The following CLSTN2 variants were observed in gnomAD, a reference collection of about 807,000 sequenced individuals.
CLSTN2 encodes calsyntenin 2.
A neutral mutation model predicts 101.2 loss-of-function variants in CLSTN2; 48 were observed. That is an observed-to-expected ratio of 0.47 (90% CI 0.38 to 0.60). The LOEUF (loss-of-function observed/expected upper bound fraction) is 0.60. Among genes scored for constraint, CLSTN2 ranks in the 20% least tolerant of loss-of-function variants. The probability of loss-of-function intolerance (pLI) is 0.00; values close to 1 mark genes in which losing one functional copy is unlikely to be tolerated. For missense variants in CLSTN2, 1,160 were observed against 1,238.2 expected, an observed-to-expected ratio of 0.94 and a Z score of 0.95; for synonymous variants, 481 against 463.6, an observed-to-expected ratio of 1.04 and a Z score of -0.48.
At chr3:140,076,768 G>A in intron 1 of CLSTN2, among the ~76,000 whole-genome samples, 1 of 150,578 alleles carries the variant, frequency 6.6e-6, no homozygotes, top group East Asian at 2.0e-4. Flanking sequence ...TTGGTACTTA[G>A]CCTGTGCAGT....
intron 2 of CLSTN2, among the ~76,000 whole-genome samples, chr3:140,202,989 T>TG (rs1410338289): frequency 2.0e-5 from 3 of 152,130 alleles, no homozygotes; most frequent in Non-Finnish European, 2.9e-5. Flanking sequence ...CTGCAATCTT[T>TG]GAGCAGTAGA....
In CLSTN2 at chr3:140,414,676, T is replaced by C. The variant is rs144277025; in HGVS notation, c.638-6449T>C. ...TCCTAGACTTCACCACTATACAATT[T>C]ATGTAAAAACCCACTTGTACCCCTA... On this transcript the variant is annotated intron_variant, in intron 4 of 16. Coordinates refer to ENST00000458420, the MANE Select transcript of CLSTN2 (RefSeq NM_022131.3). 4.3e-3 allele frequency among the ~76,000 whole-genome samples: 655 copies of C among 152,132 alleles called. 2 individuals carry two copies. Among genetic ancestry groups the C allele is most frequent in the Non-Finnish European group, 7.3e-3 (493 of 67,906 alleles).
At chr3:140,003,587 T>C (rs1431781572) in intron 1 of CLSTN2, among the ~76,000 whole-genome samples, 1 of 152,200 alleles carries the variant, frequency 6.6e-6, no homozygotes, top group Non-Finnish European at 1.5e-5. Context: ...GTGGTAAAAG[T>C]GGGCATCCTT....
At chr3:140,104,544 A>T (rs1302731245) in intron 1 of CLSTN2, among the ~76,000 whole-genome samples, 1 of 152,262 alleles carries the variant, frequency 6.6e-6, no homozygotes, top group African/African-American at 2.4e-5. Flanking sequence ...AAGTGTGCAG[A>T]TAGAATAATT....
chr3:140,125,406 G>A (rs1274493846), intron 1 of CLSTN2, among the ~76,000 whole-genome samples: 2 of 152,110 alleles, frequency 1.3e-5, no homozygotes, highest in African/African-American at 4.8e-5. Context: ...AAGTAGCCGG[G>A]TGGGCATGGG....
chr3:140,182,016 T>A (rs565191283), intron 2 of CLSTN2, among the ~76,000 whole-genome samples: 64 of 152,302 alleles, frequency 4.2e-4, no homozygotes, highest in African/African-American at 1.5e-3. Flanking sequence ...GAGTGAGTCA[T>A]TCCCCTTTAA....
chr3:140,510,358 C>A (rs554608998), intron 8 of CLSTN2, among the ~76,000 whole-genome samples: 105 of 152,244 alleles, frequency 6.9e-4, no homozygotes, highest in African/African-American at 1.7e-3. Flanking sequence ...AAGAAAAAAA[C>A]CCCTGCTGAT....
rs547554617 is a variant in CLSTN2 at position 140,226,933 on chromosome 3, A to C, written c.232+50860A>C. 9.9e-5 allele frequency among the ~76,000 whole-genome samples: 15 copies of C among 152,252 alleles called. No individual in the cohort carries two copies. In the South Asian group the frequency reaches 1.9e-3, roughly 19 times the overall value. On this transcript the variant is annotated intron_variant, in intron 2 of 16. Coordinates refer to ENST00000458420, the MANE Select transcript of CLSTN2 (RefSeq NM_022131.3). ...AGTGCAGGAAAGACCCGCCCCCATA[A>C]TTCAATCACCTCCCACCAGGTCCCT...
At chr3:140,123,748 G>A (rs1030548317) in intron 1 of CLSTN2, among the ~76,000 whole-genome samples, 2 of 152,048 alleles carry the variant, frequency 1.3e-5, no homozygotes, top group African/African-American at 4.8e-5. Flanking sequence ...CCTTCTTGCT[G>A]TGTCCTCACA....
intron 1 of CLSTN2, among the ~76,000 whole-genome samples, chr3:140,162,180 G>A (rs931993783): frequency 6.6e-6 from 1 of 152,136 alleles, no homozygotes; most frequent in Non-Finnish European, 1.5e-5. Context: ...TAGCACTTCT[G>A]TAAACATAAT....
chr3:140,222,473 AT>A (rs2086282654), intron 2 of CLSTN2, among the ~76,000 whole-genome samples: 1 of 152,226 alleles, frequency 6.6e-6, no homozygotes, highest in African/African-American at 2.4e-5. Context: ...ACTGAAAAAA[AT>A]ATAATTGGAT....
chr3:140,330,438 A>G (rs2087371758), intron 2 of CLSTN2, among the ~76,000 whole-genome samples: 1 of 152,168 alleles, frequency 6.6e-6, no homozygotes, highest in African/African-American at 2.4e-5. Flanking sequence ...TAATTTTGAT[A>G]TGCATTTTAT....
chr3:139,940,591 A>G (rs1189221222), intron 1 of CLSTN2, among the ~76,000 whole-genome samples: 1 of 151,842 alleles, frequency 6.6e-6, no homozygotes, highest in Non-Finnish European at 1.5e-5. Context: ...ATCTTTTCTC[A>G]GCTCAAACTG....
In CLSTN2 at chr3:140,546,609, G is replaced by T; in HGVS notation, c.1602G>T (p.Val534=). The change falls in exon 10 of 17, where the codon GTG becomes GTT. Residue 534 remains valine (V), a synonymous_variant. Transcript: ENST00000458420. ...CTGGCAAAATGGAAAGCCAGAAGGT[G>T]ATCTCCTGCCTGCAGGCCTGCAAGG... ...IRPGKMESQK[V]ISCLQACKEG... 1 of 1,614,102 alleles carries T rather than the reference G, an allele frequency of 6.2e-7. No homozygotes were observed. The highest frequency in any genetic ancestry group is 2.2e-5 in the East Asian group (1 of 44,878).
chr3:140,049,556 A>G (rs1219257744), intron 1 of CLSTN2, among the ~76,000 whole-genome samples: 4 of 152,172 alleles, frequency 2.6e-5, no homozygotes, highest in Non-Finnish European at 4.4e-5. Context: ...GCTGACACAC[A>G]TGAGCAATGA....
intron 2 of CLSTN2, among the ~76,000 whole-genome samples, chr3:140,350,694 G>A (rs1419021332): frequency 6.6e-6 from 1 of 152,128 alleles, no homozygotes; most frequent in East Asian, 1.9e-4. Flanking sequence ...TTTTGTAGAT[G>A]GCATGCATGT....
Position 140,562,195 on chromosome 3 carries a change from T to C in CLSTN2, c.2099T>C (p.Leu700Ser). The change falls in exon 13 of 17, where the codon TTG (leucine) becomes TCG (serine). Residue 700 changes from leucine to serine, a missense_variant. Transcript: ENST00000458420. ...CATAACTTAGATTTCTGTGACATTT[T>C]GGTGATCGGAGGGGACTTGGACCCA... ...MLHNLDFCDI[L>S]VIGGDLDPRQ... 1 of 1,614,104 alleles carries C rather than the reference T, an allele frequency of 6.2e-7. No homozygotes were observed. The highest frequency in any genetic ancestry group is 8.5e-7 in the Non-Finnish European group (1 of 1,179,974).
At chr3:140,518,381 G>A (rs959120359) in intron 8 of CLSTN2, among the ~76,000 whole-genome samples, 1 of 152,284 alleles carries the variant, frequency 6.6e-6, no homozygotes, top group East Asian at 1.9e-4. Context: ...CCTTCTTCCT[G>A]TGGTCTATTC....
At chr3:140,226,769 G>A (rs2086324208) in intron 2 of CLSTN2, among the ~76,000 whole-genome samples, 1 of 152,076 alleles carries the variant, frequency 6.6e-6, no homozygotes, top group Admixed American at 6.5e-5. Context: ...GGCTGGGGAA[G>A]CCCCCCAATC....
Sources: allele counts gnomAD v4.1 joint callset (sites outside exome capture counted in the v4.1 genomes callset), GRCh38; gene constraint gnomAD v4.1.1; transcripts MANE v1.5; gene names NCBI Gene and HGNC (gene_info 2026-07-23, HGNC 2026-07-21).